CSMD1: variants seen among roughly 807,000 people sequenced by gnomAD.
CSMD1 encodes the protein CUB and Sushi multiple domains 1.
A neutral mutation model predicts 417.5 loss-of-function variants in CSMD1; 213 were observed. The observed-to-expected ratio is 0.51, with a 90% CI of 0.46 to 0.57. CSMD1 has a LOEUF of 0.57. Ranked by LOEUF, CSMD1 falls within the 20% of genes least tolerant of loss-of-function variation. CSMD1 has a pLI of 0.00. For synonymous variants in CSMD1, 2,862 were observed against 1,736.8 expected (o/e 1.65, Z -16.11); for missense variants, 6,923 against 4,529.7 (o/e 1.53, Z -15.17).
chr8:4,638,491 C>G (rs1802982125), intron 1 of CSMD1, among the ~76,000 whole-genome samples: 1 of 152,164 alleles, frequency 6.6e-6, no homozygotes, highest in Non-Finnish European at 1.5e-5. Context: ...AAGAGCAGCT[C>G]AGCAAAACGA....
At chr8:4,780,848 C>G (rs998217852) in intron 1 of CSMD1, among the ~76,000 whole-genome samples, 2 of 152,198 alleles carry the variant, frequency 1.3e-5, no homozygotes, top group Non-Finnish European at 1.5e-5. Context: ...AGTTACTCCA[C>G]TTAAAACAAT....
At chr8:3,354,315 G>A (rs1808599360) in intron 21 of CSMD1, among the ~76,000 whole-genome samples, 1 of 152,120 alleles carries the variant, frequency 6.6e-6, no homozygotes. Context: ...AAAGGTGTAT[G>A]GCTCTGGTTA....
At chr8:4,779,881 C>T (rs1797064359) in intron 1 of CSMD1, among the ~76,000 whole-genome samples, 1 of 152,044 alleles carries the variant, frequency 6.6e-6, no homozygotes, top group Admixed American at 6.6e-5. Flanking sequence ...AGGCTTGCTG[C>T]TTCGGGGCCT....
At chr8:4,557,095 T>C (rs1798128726) in intron 2 of CSMD1, among the ~76,000 whole-genome samples, 1 of 152,236 alleles carries the variant, frequency 6.6e-6, no homozygotes, top group African/African-American at 2.4e-5. Context: ...TAAAATGCTG[T>C]CAAAATGCAA....
chr8:3,685,690 A>G (rs1799910661), intron 7 of CSMD1, among the ~76,000 whole-genome samples: 1 of 151,964 alleles, frequency 6.6e-6, no homozygotes, highest in Non-Finnish European at 1.5e-5. Context: ...AAGAAAATCA[A>G]TGCAATTTCA....
intron 3 of CSMD1, among the ~76,000 whole-genome samples, chr8:4,062,142 G>C (rs1799005141): frequency 6.6e-6 from 1 of 152,056 alleles, no homozygotes; most frequent in Non-Finnish European, 1.5e-5. Flanking sequence ...GGAGGCTCAT[G>C]ATATGCACTG....
At chr8:4,964,472 T>C (rs1275712395) in intron 1 of CSMD1, among the ~76,000 whole-genome samples, 1 of 110,526 alleles carries the variant, frequency 9.0e-6, no homozygotes, top group Non-Finnish European at 1.7e-5. Flanking sequence ...TGAAACGTGA[T>C]CCCATCACAA....
chr8:4,684,143 C>A (rs566910047), intron 1 of CSMD1, among the ~76,000 whole-genome samples: 2 of 152,160 alleles, frequency 1.3e-5, no homozygotes, highest in Non-Finnish European at 2.9e-5. Context: ...CATATACACA[C>A]GTCAATAGAC....
intron 1 of CSMD1, among the ~76,000 whole-genome samples, chr8:4,777,630 G>A (rs922382403): frequency 1.3e-5 from 2 of 152,126 alleles, no homozygotes; most frequent in Non-Finnish European, 2.9e-5. Flanking sequence ...TAGAGAATTT[G>A]CTTTTAAAAT....
chr8:3,941,213 T>TA (rs759797937), intron 5 of CSMD1, among the ~76,000 whole-genome samples: 4 of 152,096 alleles, frequency 2.6e-5, no homozygotes, highest in Non-Finnish European at 4.4e-5. Flanking sequence ...AGAGAACAAT[T>TA]CAAAAGTTCC....
intron 3 of CSMD1, among the ~76,000 whole-genome samples, chr8:4,300,419 A>T (rs1236125125): frequency 6.6e-6 from 1 of 152,232 alleles, no homozygotes; most frequent in African/African-American, 2.4e-5. Context: ...GTAAGCGATG[A>T]TGCCAGGCAT....
chr8:3,074,468 T>A (rs1473391497), intron 49 of CSMD1, among the ~76,000 whole-genome samples: 1 of 152,176 alleles, frequency 6.6e-6, no homozygotes, highest in Non-Finnish European at 1.5e-5. Context: ...TTCACCAGGC[T>A]CCTCAAACAT....
At chr8:3,741,001 G>C (rs976676839) in intron 6 of CSMD1, among the ~76,000 whole-genome samples, 2 of 151,970 alleles carry the variant, frequency 1.3e-5, no homozygotes, top group African/African-American at 2.4e-5. Flanking sequence ...GATCACCTCA[G>C]GTCAGGATTT....
At chr8:3,822,676 C>G (rs985376306) in intron 5 of CSMD1, among the ~76,000 whole-genome samples, 34 of 152,186 alleles carry the variant, frequency 2.2e-4, no homozygotes, top group African/African-American at 7.7e-4. Context: ...CTCAGCTTCA[C>G]AGTCACGGCA....
intron 5 of CSMD1, among the ~76,000 whole-genome samples, chr8:3,809,297 C>G (rs1800929915): frequency 6.6e-6 from 1 of 152,154 alleles, no homozygotes; most frequent in Non-Finnish European, 1.5e-5. Flanking sequence ...ACACAATGCA[C>G]CTTTCATTGA....
At chr8:3,449,509 T>C (rs1815551605) in intron 12 of CSMD1, among the ~76,000 whole-genome samples, 2 of 151,104 alleles carry the variant, frequency 1.3e-5, no homozygotes, top group African/African-American at 4.9e-5. Flanking sequence ...AACATACCTC[T>C]CATGACAGCA....
intron 2 of CSMD1, among the ~76,000 whole-genome samples, chr8:4,459,672 G>C (rs532608500): frequency 1.3e-5 from 2 of 152,188 alleles, no homozygotes; most frequent in African/African-American, 2.4e-5. Flanking sequence ...CTCCTGCAAA[G>C]AAGTGTGGAC....
rs115037173 is a variant in CSMD1, at chr8:4,089,750, A to T, written c.416-57651T>A. On this transcript the variant is annotated intron_variant, in intron 3 of 69. Coordinates refer to ENST00000635120, the MANE Select transcript of CSMD1 (RefSeq NM_033225.6). The stretch of plus-strand genomic sequence containing the variant: ...AATTATTATTGACACAACATCATTC[A>T]TTAGTTTGGGGGTATTTTTGTTATG... Among the ~76,000 whole-genome samples, 1,060 of 152,246 alleles carry T rather than the reference A, an allele frequency of 7.0e-3. 14 individuals carry two copies. The highest frequency in any genetic ancestry group is 0.025 in the African/African-American group (1,019 of 41,552).
rs367561935 is a variant in CSMD1 at position 4,531,463 on chromosome 8, A to G, written c.302+105879T>C. 1.5e-4 allele frequency among the ~76,000 whole-genome samples: 23 copies of G among 152,278 alleles called. No homozygotes were observed. The East Asian group carries it at 3.3e-3, about 22-fold the overall frequency. The stretch of plus-strand genomic sequence containing the variant: ...AGTAATTTGGTTACTGACAATATCT[A>G]TGTGGCTTTGTTTTTGTCATCCCTA... On this transcript the variant is annotated intron_variant, in intron 2 of 69. Coordinates refer to ENST00000635120, the MANE Select transcript of CSMD1 (RefSeq NM_033225.6).
Sources: allele counts gnomAD v4.1 joint callset (sites outside exome capture counted in the v4.1 genomes callset), GRCh38; gene constraint gnomAD v4.1.1; transcripts MANE v1.5; gene names NCBI Gene and HGNC (gene_info 2026-07-23, HGNC 2026-07-21).